SMG1: variants seen among roughly 807,000 people sequenced by gnomAD.
SMG1 encodes SMG1 nonsense mediated mRNA decay associated PI3K related kinase, also known as serine/threonine-protein kinase SMG1.
In SMG1, 22 loss-of-function variants were observed where a neutral mutation model predicts 419.9. That is an observed-to-expected ratio of 0.05 (90% CI 0.04 to 0.07). SMG1 has a LOEUF of 0.07. SMG1 is among the 10% of genes least tolerant of loss of function. SMG1 has a pLI of 1.00. For synonymous variants in SMG1, 1,538 were observed against 1,553.5 expected, an observed-to-expected ratio of 0.99 and a Z score of 0.23; for missense variants, 3,185 against 4,342.0, an observed-to-expected ratio of 0.73 and a Z score of 7.49.
chr16:18,836,644 C>G, intron 46 of SMG1, 112 bp from the exon 47 acceptor site: 1 of 1,038,726 alleles, frequency 9.6e-7, no homozygotes, highest in Non-Finnish European at 1.4e-6. Context: ...TCCTTGTTCA[C>G]CTTGAGGGCC....
chr16:18,875,128 T>C (rs1024279775), intron 13 of SMG1: 6 of 152,498 alleles, frequency 3.9e-5, no homozygotes, highest in Non-Finnish European at 7.4e-5. Flanking sequence ...TTTTATGCAA[T>C]ATTTTAAATA....
At chr16:18,867,216 A>G (rs1223879375) in intron 22 of SMG1, among the ~76,000 whole-genome samples, 7 of 152,156 alleles carry the variant, frequency 4.6e-5, no homozygotes, top group Admixed American at 4.6e-4. Context: ...GGAATTACTC[A>G]AGCATTTGTC....
At chr16:18,866,813 A>G (rs1232844915) in intron 22 of SMG1, 38 bp from the exon 23 acceptor site, 4 of 1,563,958 alleles carry the variant, frequency 2.6e-6, no homozygotes, top group Non-Finnish European at 3.5e-6. Flanking sequence ...ACCCAATACC[A>G]TTAAAACATA....
In SMG1 at chr16:18,870,812, A is replaced by T; in HGVS notation, c.2379T>A (p.Asp793Glu). 1 of 1,580,998 alleles carries T rather than the reference A, an allele frequency of 6.3e-7. No homozygotes were observed. The highest frequency in any genetic ancestry group is 8.6e-7 in the Non-Finnish European group (1 of 1,162,550). Residue 793 changes from aspartate to glutamate, a missense_variant, in exon 17 of 63, where the codon GAT becomes GAA. Physicochemically the swap from Asp to Glu is conservative, Grantham distance 45 (BLOSUM62 2). Transcript: ENST00000446231. The part of the protein sequence containing the change: ...LHALSSSLPD[D>E]LLQRCVDVCR... ...TCTTAATTTCATACCTCTGTAAAAG[A>T]TCATCTGGCAAGGAAGAGGACAGAG...
chr16:18,849,099 A>C (rs1290344919), intron 36 of SMG1, 118 bp downstream of exon 36: 73 of 325,500 alleles, frequency 2.2e-4, no homozygotes, highest in Middle Eastern at 1.2e-3. Flanking sequence ...AAAAAAAAAA[A>C]AAAAAAACCC....
chr16:18,883,033 A>G lies in SMG1; in HGVS notation c.1120-695T>C, dbSNP rs572715878. Among the ~76,000 whole-genome samples, 8 of 152,364 alleles carry G rather than the reference A, an allele frequency of 5.3e-5. No homozygotes were observed. The South Asian group carries it at 1.7e-3, about 32-fold the overall frequency. On this transcript the variant is annotated intron_variant, in intron 9 of 62. Transcript: ENST00000446231. ...TTCTAGGTGTGGGGGCAAAGAAAAAACAACACAGAAGCGAAACACTTCCTT... is the reference window on the plus strand; with the variant it reads ...TTCTAGGTGTGGGGGCAAAGAAAAAGCAACACAGAAGCGAAACACTTCCTT...
At chr16:18,873,880 C>CT (rs768637858) in intron 13 of SMG1, among the ~76,000 whole-genome samples, 1 of 152,196 alleles carries the variant, frequency 6.6e-6, no homozygotes, top group Non-Finnish European at 1.5e-5. Flanking sequence ...CCACTTTCTC[C>CT]TTATTTCTAG....
intron 9 of SMG1, among the ~76,000 whole-genome samples, chr16:18,883,585 C>T (rs2036492956): frequency 6.6e-6 from 1 of 152,226 alleles, no homozygotes; most frequent in South Asian, 2.1e-4. Context: ...TTAGTCTCTC[C>T]AGTAATTCTC....
intron 51 of SMG1, among the ~76,000 whole-genome samples, chr16:18,832,671 T>C (rs1467716894): frequency 6.6e-6 from 1 of 152,068 alleles, no homozygotes; most frequent in Non-Finnish European, 1.5e-5. Flanking sequence ...TATATCATTG[T>C]CGGTTTCATA....
At position 18,833,036 on chromosome 16, in the gene SMG1, G is replaced by A. The variant is rs1315299765; in HGVS notation, c.8696C>T (p.Pro2899Leu). The A allele has an allele frequency of 6.2e-7, 1 of 1,613,820 alleles. No homozygotes were observed. Among genetic ancestry groups the A allele is most frequent in the East Asian group, 2.2e-5 (1 of 44,890 alleles). The change falls in exon 51 of 63, where the codon CCC becomes CTC. Residue 2899 changes from proline (P) to leucine (L), a missense_variant. Pro to Leu is a moderately conservative substitution (Grantham distance 98). Transcript: ENST00000446231. The part of the protein sequence containing the change: ...GLIEQTTDGV[P>L]LQTLVESLQA... ...AAGAGATTCCACTAGAGTCTGCAGG[G>A]GAACGCCATCGGTGGTCTGCTCAAT...
At position 18,854,778 on chromosome 16, in the gene SMG1, C is replaced by A. The variant is rs1001745595; in HGVS notation, c.4361G>T (p.Gly1454Val). 8.7e-6 allele frequency: 14 copies of A among 1,613,884 alleles called. No homozygotes were observed. The highest frequency in any genetic ancestry group is 5.0e-5 in the Admixed American group (3 of 60,000). ...TAAATCCTGTGCAGTGGTGGTCTTTCCCAGCTGAACTTCACTGCACTGTGC... is the reference window on the plus strand; with the variant it reads ...TAAATCCTGTGCAGTGGTGGTCTTTACCAGCTGAACTTCACTGCACTGTGC... ...LLAQCSEVQLGKTTTAQDLVQ... is the reference protein window; with the variant it reads ...LLAQCSEVQLVKTTTAQDLVQ... The change falls in exon 30 of 63, where the codon GGA (glycine) becomes GTA (valine). Residue 1454 changes from glycine to valine, a missense_variant. Transcript: ENST00000446231.
At chr16:18,847,792 TACA>T in intron 37 of SMG1, 21 bp downstream of exon 37, 1 of 1,605,190 alleles carries the variant, frequency 6.2e-7, no homozygotes, top group East Asian at 2.2e-5. Context: ...AAAATTCTTC[TACA>T]ACATGTGAGT....
chr16:18,865,643 T>C (rs34371662), intron 23 of SMG1, among the ~76,000 whole-genome samples: 14,312 of 151,490 alleles, frequency 0.094, 735 homozygotes, highest in Middle Eastern at 0.18. Flanking sequence ...AATAACACTG[T>C]AGAATATTTA....
At chr16:18,912,700 A>C (rs1293851639) in intron 1 of SMG1, among the ~76,000 whole-genome samples, 2 of 152,122 alleles carry the variant, frequency 1.3e-5, no homozygotes, top group African/African-American at 4.8e-5. Flanking sequence ...GTTAATTTAT[A>C]ATTTTAGTAT....
chr16:18,925,398 G>A (rs1386666415), intron 1 of SMG1: 1 of 152,334 alleles, frequency 6.6e-6, no homozygotes, highest in African/African-American at 2.4e-5. Flanking sequence ...CCCATCAACA[G>A]TCACACAATC....
At chr16:18,887,776 A>C (rs1178251236) in intron 6 of SMG1, among the ~76,000 whole-genome samples, 3 of 48,128 alleles carry the variant, frequency 6.2e-5, no homozygotes, top group Non-Finnish European at 1.1e-4. Context: ...AAAAAAAAAA[A>C]AAAAAAAAAA....
In SMG1 at chr16:18,894,828, GT is replaced by G. The variant is rs973093616; in HGVS notation, c.412+1223del. Among the ~76,000 whole-genome samples the G allele has an allele frequency of 7.3e-5, 11 of 151,524 alleles. 1 individual carries two copies. The highest frequency in any genetic ancestry group is 6.9e-3 in the Middle Eastern group (2 of 290). ...CCTCTGAACTTTCTTTTTTGTTGTT[GT>G]TTTTTTGAGACAGAGTCTCGCTCTG... On this transcript the variant is annotated intron_variant, in intron 3 of 62. Transcript: ENST00000446231.
intron 54 of SMG1, among the ~76,000 whole-genome samples, chr16:18,828,412 G>A (rs2032914628): frequency 6.6e-6 from 1 of 152,174 alleles, no homozygotes; most frequent in Non-Finnish European, 1.5e-5. Context: ...CATTTAAATA[G>A]TAATTCTGAA....
At chr16:18,843,738 C>A (rs962754335) in intron 39 of SMG1, among the ~76,000 whole-genome samples, 1 of 152,094 alleles carries the variant, frequency 6.6e-6, no homozygotes. Context: ...AGTTCAAAAA[C>A]AGGCGGAAAC....
Sources: allele counts gnomAD v4.1 joint callset (sites outside exome capture counted in the v4.1 genomes callset), GRCh38; gene constraint gnomAD v4.1.1; transcripts MANE v1.5; gene names NCBI Gene and HGNC (gene_info 2026-07-23, HGNC 2026-07-21).